CTNNA2: variants seen among roughly 807,000 people sequenced by gnomAD.
The protein encoded by CTNNA2 is catenin alpha-2.
Under a neutral mutation model 101.0 loss-of-function variants are expected in CTNNA2, and 42 were observed. That is an observed-to-expected ratio of 0.42 (90% CI 0.32 to 0.54). The LOEUF (loss-of-function observed/expected upper bound fraction) is 0.54. Among genes scored for constraint, CTNNA2 ranks in the 20% least tolerant of loss-of-function variants. The probability of loss-of-function intolerance (pLI) is 0.14; values close to 1 mark genes in which losing one functional copy is unlikely to be tolerated. For synonymous variants in CTNNA2, 450 were observed against 456.4 expected (o/e 0.99, Z 0.18); for missense variants, 871 against 1,223.1 (o/e 0.71, Z 4.29).
At chr2:79,736,488 A>G (rs1274611468) in intron 2 of CTNNA2, among the ~76,000 whole-genome samples, 1 of 152,200 alleles carries the variant, frequency 6.6e-6, no homozygotes, top group Non-Finnish European at 1.5e-5. Flanking sequence ...CAAATATATT[A>G]CTAGTTGAAG....
rs543004107 is a variant in CTNNA2, at chr2:80,393,686, A to G, written c.1137+395A>G. Among the ~76,000 whole-genome samples the G allele has an allele frequency of 2.6e-5, 4 of 152,344 alleles. No individual in the cohort carries two copies. The East Asian group carries it at 5.8e-4, about 22-fold the overall frequency. On this transcript the variant is annotated intron_variant, in intron 8 of 18. Transcript: ENST00000402739. ...AACCAGAATGCTAATGGTTAATGAG[A>G]AATACAACTCTTAATCTGATGGGTT...
At chr2:79,376,754 C>T (rs773741396) in intron 4 of CTNNA2, among the ~76,000 whole-genome samples, 21 of 151,908 alleles carry the variant, frequency 1.4e-4, no homozygotes, top group South Asian at 2.1e-4. Context: ...TTTGTCCTTG[C>T]GATAGTTTGC....
chr2:80,523,450 A>G (rs1372455143), intron 9 of CTNNA2, among the ~76,000 whole-genome samples: 1 of 152,218 alleles, frequency 6.6e-6, no homozygotes, highest in Non-Finnish European at 1.5e-5. Context: ...TGATTTGGTG[A>G]TAATGTTAGG....
At chr2:79,818,599 G>A (rs180827988) in intron 3 of CTNNA2, among the ~76,000 whole-genome samples, 1 of 151,902 alleles carries the variant, frequency 6.6e-6, no homozygotes, top group Non-Finnish European at 1.5e-5. Context: ...ACAGGTGTGA[G>A]CCACCAAGCC....
intron 1 of CTNNA2, among the ~76,000 whole-genome samples, chr2:79,561,535 A>C (rs1674781634): frequency 6.6e-6 from 1 of 151,744 alleles, no homozygotes; most frequent in Admixed American, 6.6e-5. Flanking sequence ...CTACTGCACC[A>C]TTTTTCTTTC....
At chr2:80,299,139 C>A (rs1044067296) in intron 7 of CTNNA2, 3 of 152,018 alleles carry the variant, frequency 2.0e-5, no homozygotes, top group Admixed American at 1.3e-4. Flanking sequence ...AAGTTCTTTT[C>A]AGATAGCACA....
chr2:80,052,613 A>G (rs893751552), intron 7 of CTNNA2, among the ~76,000 whole-genome samples: 2 of 152,218 alleles, frequency 1.3e-5, no homozygotes, highest in Non-Finnish European at 1.5e-5. Flanking sequence ...CTTACTTCAA[A>G]TAGAGTAAAA....
chr2:79,383,094 A>G (rs192121273), intron 4 of CTNNA2, among the ~76,000 whole-genome samples: 118 of 152,322 alleles, frequency 7.7e-4, no homozygotes, highest in African/African-American at 2.7e-3. Context: ...TTAGATATCC[A>G]ATATATGAAA....
chr2:80,596,853 A>AC (rs1697031503), intron 15 of CTNNA2, among the ~76,000 whole-genome samples: 1 of 152,068 alleles, frequency 6.6e-6, no homozygotes, highest in African/African-American at 2.4e-5. Context: ...GTTTGTCATA[A>AC]ATAGCTCTCA....
intron 3 of CTNNA2, among the ~76,000 whole-genome samples, chr2:79,346,746 CAAGT>C (rs1677273261): frequency 2.6e-5 from 4 of 152,314 alleles, no homozygotes; most frequent in Admixed American, 2.6e-4. Context: ...AAATTATATA[CAAGT>C]ATGTTATCCT....
At chr2:79,830,332 G>A (rs1678833091) in intron 3 of CTNNA2, among the ~76,000 whole-genome samples, 1 of 152,174 alleles carries the variant, frequency 6.6e-6, no homozygotes, top group Non-Finnish European at 1.5e-5. Flanking sequence ...AAGTGGGCAG[G>A]CAGGTCAAAG....
chr2:80,407,146 T>A (rs972543770), intron 8 of CTNNA2, among the ~76,000 whole-genome samples: 6 of 152,170 alleles, frequency 3.9e-5, no homozygotes, highest in African/African-American at 1.4e-4. Flanking sequence ...TAGGGACCAC[T>A]AGAATAACCT....
chr2:80,033,113 T>C (rs891321960), intron 7 of CTNNA2, among the ~76,000 whole-genome samples: 1 of 137,784 alleles, frequency 7.3e-6, no homozygotes, highest in African/African-American at 2.8e-5. Flanking sequence ...ATCGCACCAT[T>C]GCACTCCAGC....
intron 7 of CTNNA2, among the ~76,000 whole-genome samples, chr2:80,350,827 T>A (rs1306541102): frequency 6.6e-6 from 1 of 152,096 alleles, no homozygotes; most frequent in Non-Finnish European, 1.5e-5. Flanking sequence ...CTGTTAATAT[T>A]AACAGCAGCC....
At chr2:79,966,490 C>A (rs1326055996) in intron 7 of CTNNA2, among the ~76,000 whole-genome samples, 1 of 152,172 alleles carries the variant, frequency 6.6e-6, no homozygotes, top group Non-Finnish European at 1.5e-5. Context: ...CCCGCCTTGG[C>A]TTCTCAAAGT....
At chr2:79,748,147 C>T (rs1380553477) in intron 3 of CTNNA2, among the ~76,000 whole-genome samples, 1 of 152,138 alleles carries the variant, frequency 6.6e-6, no homozygotes, top group Non-Finnish European at 1.5e-5. Context: ...ATTATGTAAT[C>T]CCCTTAGCTT....
intron 7 of CTNNA2, among the ~76,000 whole-genome samples, chr2:80,236,421 G>A (rs1023197896): frequency 9.2e-5 from 14 of 152,286 alleles, no homozygotes; most frequent in Admixed American, 8.5e-4. Flanking sequence ...TCAAATCAGT[G>A]CAGTGCAGTG....
At chr2:79,203,739 C>G (rs1199406567) in intron 2 of CTNNA2, among the ~76,000 whole-genome samples, 1 of 152,218 alleles carries the variant, frequency 6.6e-6, no homozygotes, top group Non-Finnish European at 1.5e-5. Context: ...AAAGCATTAA[C>G]CACTGCTCTT....
chr2:79,938,965 A>G (rs369538352), intron 7 of CTNNA2, among the ~76,000 whole-genome samples: 3 of 152,188 alleles, frequency 2.0e-5, no homozygotes, highest in African/African-American at 4.8e-5. Context: ...CTGACAGACA[A>G]TGCCATGGAG....
Sources: gnomAD v4.1 joint callset for allele counts (sites outside exome capture counted in the v4.1 genomes callset) on GRCh38, gnomAD v4.1.1 for gene constraint, MANE v1.5 for transcripts, NCBI Gene and HGNC (gene_info 2026-07-23, HGNC 2026-07-21) for gene names.